The following RPS20 variants were observed in gnomAD, a reference collection of about 807,000 sequenced individuals.
RPS20 encodes ribosomal protein S20.
In RPS20, 3 loss-of-function variants were observed where a neutral mutation model predicts 15.3. The observed-to-expected ratio is 0.20, with a 90% CI of 0.09 to 0.51. The LOEUF is 0.51. Ranked by LOEUF, RPS20 falls within the 20% of genes least tolerant of loss-of-function variation. The pLI is 0.96. For synonymous variants in RPS20, 62 were observed against 47.8 expected (o/e 1.30, Z -1.23); for missense variants, 67 against 145.9 (o/e 0.46, Z 2.79).
At chr8:56,068,316 T>C (rs1424998784), downstream of RPS20, 1 of 152,018 alleles carries the variant, frequency 6.6e-6, no homozygotes, top group East Asian at 1.9e-4. Context: ...GGTGTGTGTA[T>C]CACCTGAGCT....
chr8:56,072,848 T>C (rs1303407621), downstream of RPS20: 4 of 1,210,028 alleles, frequency 3.3e-6, no homozygotes, highest in Non-Finnish European at 3.1e-6. Flanking sequence ...ATGCCAAAGT[T>C]ATAAACTGCC....
rs770592081 is a variant in RPS20, at chr8:56,074,400, C to T, written c.-17G>A. On this transcript the variant is annotated 5_prime_UTR_variant, in exon 1 of 4. Transcript: ENST00000009589. ...CCTCACCATGGCTGTTGCGCGCGGG[C>T]TTCCTGACCGACTTGTTCCTCGGCG... 1 of 1,558,134 alleles carries T rather than the reference C, an allele frequency of 6.4e-7. No homozygotes were observed. Among genetic ancestry groups the T allele is most frequent in the Non-Finnish European group, 8.6e-7 (1 of 1,157,798 alleles).
At chr8:56,071,153 G>C (rs1356798407), downstream of RPS20, among the ~76,000 whole-genome samples, 2 of 152,160 alleles carry the variant, frequency 1.3e-5, no homozygotes, top group Non-Finnish European at 2.9e-5. Context: ...AACTGCTCAT[G>C]TTCACAATTC....
At chr8:56,069,445 C>T (rs1340690112), downstream of RPS20, among the ~76,000 whole-genome samples, 2 of 151,984 alleles carry the variant, frequency 1.3e-5, no homozygotes, top group Non-Finnish European at 2.9e-5. Flanking sequence ...ATTACAGGAG[C>T]GTGCCACCAC....
downstream of RPS20, among the ~76,000 whole-genome samples, chr8:56,070,383 C>T (rs2129212432): frequency 6.6e-6 from 1 of 152,296 alleles, no homozygotes. Context: ...TGTACTCTTG[C>T]CTGTTCATTT....
At chr8:56,067,949 CAGTATG>C (rs1328680024) in exon 6 of RPS20, 5 of 152,264 alleles carry the variant, frequency 3.3e-5, no homozygotes, top group African/African-American at 4.8e-5. Flanking sequence ...TGTTGCACAA[CAGTATG>C]AGTATAATTA....
downstream of RPS20, among the ~76,000 whole-genome samples, chr8:56,071,013 G>C (rs899869107): frequency 6.6e-5 from 10 of 152,154 alleles, no homozygotes; most frequent in Non-Finnish European, 1.2e-4. Flanking sequence ...TTTCCATGCA[G>C]GTATTTTTAA....
chr8:56,069,761 A>G, downstream of RPS20: 1 of 1,551,502 alleles, frequency 6.4e-7, no homozygotes, highest in Non-Finnish European at 8.7e-7. Flanking sequence ...GTCCCCGGGG[A>G]TTCGAATACA....
At chr8:56,069,414 T>G (rs1017389522), downstream of RPS20, among the ~76,000 whole-genome samples, 4 of 152,140 alleles carry the variant, frequency 2.6e-5, no homozygotes, top group Non-Finnish European at 5.9e-5. Flanking sequence ...TTCTCCTGCT[T>G]CAGCATCCCA....
chr8:56,072,569 A>G (rs1462738519), downstream of RPS20, among the ~76,000 whole-genome samples: 3 of 150,346 alleles, frequency 2.0e-5, no homozygotes, highest in African/African-American at 7.4e-5. Context: ...AAAAAAAAAA[A>G]GTGAAAATTT....
At chr8:56,070,629 T>G (rs867732965), downstream of RPS20, among the ~76,000 whole-genome samples, 43 of 151,540 alleles carry the variant, frequency 2.8e-4, no homozygotes, top group Middle Eastern at 3.4e-3. Context: ...TACTTGAGGT[T>G]GAGGCAGGAG....
chr8:56,072,890 AT>A, downstream of RPS20: 3 of 1,324,754 alleles, frequency 2.3e-6, no homozygotes, highest in Non-Finnish European at 2.9e-6. Flanking sequence ...GGTCTCACAT[AT>A]TATGTAGTTA....
In RPS20 at chr8:56,074,061, C is replaced by T. The variant is rs763174042; in HGVS notation, c.102G>A (p.Lys34=). 7 of 1,612,912 alleles carry T rather than the reference C, an allele frequency of 4.3e-6. No individual in the cohort carries two copies. The East Asian group carries it at 8.9e-5, about 21-fold the overall frequency. Residue 34 remains lysine, a splice_region_variant and synonymous_variant, in exon 2 of 4, where the codon AAG becomes AAA. Transcript: ENST00000009589. ...CCCCCGCATAACGAATGCACTGACC[C>T]TTTTCCAAGGATTTTACGTTGCGGC... The part of the protein sequence containing the change: ...LTSRNVKSLE[K]VCADLIRGAK...
At chr8:56,072,020 T>C (rs2129212793), downstream of RPS20, among the ~76,000 whole-genome samples, 1 of 152,248 alleles carries the variant, frequency 6.6e-6, no homozygotes, top group East Asian at 1.9e-4. Flanking sequence ...CACAGGCTGA[T>C]GGTTTGAGTC....
At chr8:56,068,980 CAG>C (rs1809682734), downstream of RPS20, among the ~76,000 whole-genome samples, 1 of 151,400 alleles carries the variant, frequency 6.6e-6, no homozygotes, top group Admixed American at 6.6e-5. Flanking sequence ...GCATTTTTAG[CAG>C]AGACAGGGTT....
exon 6 of RPS20, chr8:56,067,745 AT>A (rs1809651640): frequency 6.6e-6 from 1 of 152,190 alleles, no homozygotes; most frequent in Non-Finnish European, 1.5e-5. Context: ...ACTTGAAGAC[AT>A]TAAGCTAAAT....
intron 2 of RPS20, 58 bp downstream of exon 2, chr8:56,074,002 T>A: frequency 7.4e-7 from 1 of 1,351,030 alleles, no homozygotes; most frequent in Non-Finnish European, 1.1e-6. Flanking sequence ...CATTAACGAG[T>A]AAAGCTCGTC....
At position 56,074,477 on chromosome 8, in the gene RPS20, AG is replaced by A. The variant is rs1483576827; in HGVS notation, c.-95del. On this transcript the variant is annotated 5_prime_UTR_variant, in exon 1 of 4. Coordinates refer to ENST00000009589, the MANE Select transcript of RPS20 (RefSeq NM_001023.4). ...AGGAGCGTGCGGACCAAAAATCCTCAGCCCTTACGACCGCGTCTTCCTCAAA... is the reference window on the plus strand; with the variant it reads ...AGGAGCGTGCGGACCAAAAATCCTCACCCTTACGACCGCGTCTTCCTCAAA... 4.3e-5 allele frequency: 60 copies of A among 1,389,386 alleles called. No homozygotes were observed. Among genetic ancestry groups the A allele is most frequent in the Non-Finnish European group, 5.3e-5 (54 of 1,022,470 alleles). The allele number at this position is 1,389,386 out of a possible 1,614,324, so 86.1% of individuals were successfully genotyped here. A position where few individuals can be genotyped will look rare whatever the true frequency, so the allele number is the denominator to read the frequency against.
chr8:56,073,026 C>A, downstream of RPS20: 1 of 1,562,520 alleles, frequency 6.4e-7, no homozygotes, highest in South Asian at 1.2e-5. Flanking sequence ...TAAAATCTGC[C>A]AGTATTCTGA....
Sources: allele counts gnomAD v4.1 joint callset (sites outside exome capture counted in the v4.1 genomes callset), GRCh38; gene constraint gnomAD v4.1.1; transcripts MANE v1.5; gene names NCBI Gene and HGNC (gene_info 2026-07-23, HGNC 2026-07-21).